LIN37: variants seen among roughly 807,000 people sequenced by gnomAD.
LIN37 encodes protein lin-37 homolog.
LIN37 carries 21 observed loss-of-function variants against 38.0 expected under a neutral mutation model. The ratio of observed to expected loss-of-function variants is 0.55; its 90% CI spans 0.39 to 0.80. The LOEUF is 0.80. LIN37 is among the 30% of genes least tolerant of loss of function. The pLI, the probability that LIN37 is intolerant of heterozygous loss-of-function variation, is 0.00. For synonymous variants in LIN37, 126 were observed against 122.9 expected, an observed-to-expected ratio of 1.03 and a Z score of -0.17; for missense variants, 273 against 338.5, an observed-to-expected ratio of 0.81 and a Z score of 1.52.
rs1450299476 is a variant in LIN37, at chr19:35,754,133, G to A, written c.561G>A (p.Glu187=). The A allele has an allele frequency of 6.2e-7, 1 of 1,614,008 alleles. No homozygotes were observed. The highest frequency in any genetic ancestry group is 1.1e-5 in the South Asian group (1 of 91,088). Residue 187 remains glutamate (E), a synonymous_variant, in exon 7 of 9, where the codon GAG becomes GAA. Transcript: ENST00000301159. The part of the protein sequence containing the change: ...RSRIPSPLQP[E]MQGTPDDEPS... ...GCATCCCATCTCCACTGCAGCCTGA[G>A]ATGCAGGGCACCCCTGACGATGAGG...
chr19:35,753,711 TTCCTAGGTGG>T, intron 6 of LIN37: 1 of 528,846 alleles, frequency 1.9e-6, no homozygotes, highest in East Asian at 3.3e-5. Context: ...TGGACAGAGC[TTCCTAGGTGG>T]CACAGACGTG....
Position 35,748,951 on chromosome 19 carries a change from G to A in LIN37, c.34+193G>A. On this transcript the variant is annotated intron_variant, in intron 1 of 8. Transcript: ENST00000301159. ...CGGTGTGCGCTTGAAGTCGCTTTGA[G>A]ATTGAATGGGGTGGCTCGGGCAATG... 6.8e-6 allele frequency: 10 copies of A among 1,465,180 alleles called. No individual in the cohort carries two copies. In the South Asian group the frequency reaches 1.3e-4, roughly 20 times the overall value. 90.8% of individuals were successfully genotyped at this position (1,465,180 alleles called of 1,614,324 possible).
intron 1 of LIN37, 79 bp from the exon 2 acceptor site, chr19:35,752,097 C>T (rs11878987): frequency 0.1 from 113,494 of 1,097,758 alleles, 9,123 homozygotes; most frequent in African/African-American, 0.39. Context: ...AGGACACGCA[C>T]GCCCTTCCCT....
intron 1 of LIN37, chr19:35,749,015 C>T (rs1031831910): frequency 6.7e-5 from 87 of 1,299,100 alleles, no homozygotes; most frequent in Non-Finnish European, 8.2e-5. Flanking sequence ...GAGCCGGTAA[C>T]TCTGAGAAGG....
intron 3 of LIN37, 135 bp from the exon 4 acceptor site, chr19:35,752,669 A>C: frequency 7.6e-7 from 1 of 1,309,408 alleles, no homozygotes; most frequent in Non-Finnish European, 1.1e-6. Flanking sequence ...CCCCATGGGT[A>C]TGGGTGGGAC....
chr19:35,753,839 G>A, intron 6 of LIN37, 178 bp from the exon 7 acceptor site: 1 of 658,398 alleles, frequency 1.5e-6, no homozygotes, highest in South Asian at 1.9e-5. Context: ...CCTGGGGCAG[G>A]CACACTTGAC....
intron 1 of LIN37, among the ~76,000 whole-genome samples, chr19:35,750,259 G>A (rs960317405): frequency 3.3e-5 from 5 of 152,098 alleles, no homozygotes; most frequent in African/African-American, 1.2e-4. Flanking sequence ...CCAAGTCGGG[G>A]GTTCAGGAGA....
chr19:35,754,333 A>G lies in LIN37; in HGVS notation c.659+14A>G, dbSNP rs768978020. ...CATCCGCCAGAGGTGAGCGTCCCCC[A>G]GCCTGCTTGCCCCTCGTAGGGCCCT... On this transcript the variant is annotated intron_variant, in intron 8 of 8. Coordinates refer to ENST00000301159, the MANE Select transcript of LIN37 (RefSeq NM_019104.3). The G allele has an allele frequency of 1.9e-6, 3 of 1,613,964 alleles. No homozygotes were observed. Among genetic ancestry groups the G allele is most frequent in the Non-Finnish European group, 2.5e-6 (3 of 1,179,868 alleles).
chr19:35,750,788 T>C (rs1970671438), intron 1 of LIN37, among the ~76,000 whole-genome samples: 1 of 151,522 alleles, frequency 6.6e-6, no homozygotes, highest in Admixed American at 6.6e-5. Context: ...GGTGAAACCC[T>C]GTCTGTACTA....
chr19:35,752,139 T>C (rs1220238296), intron 1 of LIN37, 37 bp from the exon 2 acceptor site: 1 of 1,522,972 alleles, frequency 6.6e-7, no homozygotes, highest in Admixed American at 1.9e-5. Context: ...AGCTGGGGCC[T>C]GGGAGCTGAC....
intron 3 of LIN37, 159 bp downstream of exon 3, chr19:35,752,643 TG>T (rs1970694079): frequency 6.4e-6 from 8 of 1,257,178 alleles, no homozygotes; most frequent in Non-Finnish European, 9.0e-6. Context: ...GGTCCCCCCG[TG>T]GTTGCCACCT....
intron 1 of LIN37, among the ~76,000 whole-genome samples, chr19:35,751,637 C>T (rs866393410): frequency 7.2e-5 from 11 of 152,024 alleles, no homozygotes; most frequent in African/African-American, 1.9e-4. Context: ...AGTTCAAAAC[C>T]GGACAACATC....
At chr19:35,749,010 G>T in intron 1 of LIN37, 1 of 1,318,920 alleles carries the variant, frequency 7.6e-7, no homozygotes, top group Non-Finnish European at 9.7e-7. Flanking sequence ...ATCCTGAGCC[G>T]GTAACTCTGA....
At chr19:35,750,295 G>A (rs942810804) in intron 1 of LIN37, among the ~76,000 whole-genome samples, 6 of 152,108 alleles carry the variant, frequency 3.9e-5, no homozygotes, top group African/African-American at 1.4e-4. Context: ...GAGAGTTGTG[G>A]ACGTGATCCG....
In LIN37 at chr19:35,748,626, C is replaced by A; in HGVS notation, c.-99C>A. 2.6e-6 allele frequency: 4 copies of A among 1,539,240 alleles called. No homozygotes were observed. Among genetic ancestry groups the A allele is most frequent in the East Asian group, 2.3e-5 (1 of 44,402 alleles). ...GGCGGAGGACCCGTGGCCCACGAAG[C>A]TCATCTTTGAACTGTCCCCGCCTTC... On this transcript the variant is annotated 5_prime_UTR_variant, in exon 1 of 9. Coordinates refer to ENST00000301159, the MANE Select transcript of LIN37 (RefSeq NM_019104.3).
At position 35,752,160 on chromosome 19, in the gene LIN37, T is replaced by C. The variant is rs1488671882; in HGVS notation, c.35-16T>C. 6.3e-7 allele frequency: 1 copy of C among 1,582,346 alleles called. No individual in the cohort carries two copies. Among genetic ancestry groups the C allele is most frequent in the African/African-American group, 1.3e-5 (1 of 74,242 alleles). The stretch of plus-strand genomic sequence containing the variant: ...GGCCTGGGAGCTGACTCCTGCTGGG[T>C]CCTCTCTTGCCCCAGAGCTGGAGAT... On this transcript the variant is annotated splice_polypyrimidine_tract_variant and intron_variant, in intron 1 of 8. Transcript: ENST00000301159.
chr19:35,749,666 G>A (rs889828920), intron 1 of LIN37, among the ~76,000 whole-genome samples: 2 of 151,478 alleles, frequency 1.3e-5, no homozygotes, highest in Non-Finnish European at 2.9e-5. Flanking sequence ...TTAGCCAGGT[G>A]TGGTGGCACA....
chr19:35,752,157 G>C lies in LIN37; in HGVS notation c.35-19G>C, dbSNP rs764277636. 7 of 1,579,716 alleles carry C rather than the reference G, an allele frequency of 4.4e-6. No homozygotes were observed. In the South Asian group the frequency reaches 8.1e-5, roughly 18 times the overall value. ...TGGGGCCTGGGAGCTGACTCCTGCT[G>C]GGTCCTCTCTTGCCCCAGAGCTGGA... is the stretch of plus-strand genomic sequence containing the variant. On this transcript the variant is annotated intron_variant, in intron 1 of 8. Coordinates refer to ENST00000301159, the MANE Select transcript of LIN37 (RefSeq NM_019104.3).
intron 1 of LIN37, 63 bp from the exon 2 acceptor site, chr19:35,752,113 A>T (rs1014924343): frequency 1.7e-5 from 22 of 1,312,516 alleles, no homozygotes; most frequent in Non-Finnish European, 2.4e-5. Flanking sequence ...TCCCTGGCCC[A>T]GTCAGCTGCC....
Sources: allele counts gnomAD v4.1 joint callset (sites outside exome capture counted in the v4.1 genomes callset), GRCh38; gene constraint gnomAD v4.1.1; transcripts MANE v1.5; gene names NCBI Gene and HGNC (gene_info 2026-07-23, HGNC 2026-07-21).